The following LARP1 variants were observed in gnomAD, a reference collection of about 807,000 sequenced individuals.
LARP1 encodes the protein la-related protein 1.
Under a neutral mutation model 122.7 loss-of-function variants are expected in LARP1, and 36 were observed. That is an observed-to-expected ratio of 0.29 (90% CI 0.22 to 0.39). LARP1 has a LOEUF of 0.39. LARP1 is among the 10% of genes least tolerant of loss of function. LARP1 has a pLI of 1.00. For synonymous variants in LARP1, 539 were observed against 528.7 expected, an observed-to-expected ratio of 1.02 and a Z score of -0.27; for missense variants, 1,040 against 1,403.6, an observed-to-expected ratio of 0.74 and a Z score of 4.14.
At chr5:154,795,950 TTA>T (rs571601448) in intron 8 of LARP1, among the ~76,000 whole-genome samples, 10,245 of 119,712 alleles carry the variant, frequency 0.086, 555 homozygotes, top group Admixed American at 0.12. Context: ...TATTTATATA[TTA>T]TATATATTTT....
At chr5:154,773,016 T>C (rs958060045) in intron 1 of LARP1, among the ~76,000 whole-genome samples, 3 of 147,610 alleles carry the variant, frequency 2.0e-5, no homozygotes, top group African/African-American at 7.6e-5. Flanking sequence ...AAGACCTTGC[T>C]GTTCTATCCT....
upstream of LARP1, among the ~76,000 whole-genome samples, chr5:154,750,970 C>T (rs907604931): frequency 6.6e-6 from 1 of 152,164 alleles, no homozygotes; most frequent in Non-Finnish European, 1.5e-5. Context: ...TGATCCTTGT[C>T]ACTTTCTGCC....
chr5:154,724,169 C>G (rs1184563370), intron 1 of LARP1, among the ~76,000 whole-genome samples: 1 of 152,228 alleles, frequency 6.6e-6, no homozygotes, highest in African/African-American at 2.4e-5. Flanking sequence ...AATAAGGCAC[C>G]TTGTTTACTA....
At chr5:154,688,183 C>T (rs558409248) in intron 1 of LARP1, among the ~76,000 whole-genome samples, 46 of 152,204 alleles carry the variant, frequency 3.0e-4, no homozygotes, top group African/African-American at 1.1e-3. Context: ...TGTGGCTGCC[C>T]TGATGTTGGG....
intron 1 of LARP1, among the ~76,000 whole-genome samples, chr5:154,759,592 A>G (rs1754280213): frequency 6.6e-6 from 1 of 152,302 alleles, no homozygotes; most frequent in South Asian, 2.1e-4. Context: ...TCTCAGGGAT[A>G]TGAGGAAAAG....
intron 1 of LARP1, among the ~76,000 whole-genome samples, chr5:154,714,827 C>T (rs1755400805): frequency 6.6e-6 from 1 of 152,170 alleles, no homozygotes; most frequent in Non-Finnish European, 1.5e-5. Flanking sequence ...ATTTGAGTAA[C>T]AATGTGTGTG....
At chr5:154,730,597 C>T (rs1241805168) in intron 1 of LARP1, among the ~76,000 whole-genome samples, 2 of 152,012 alleles carry the variant, frequency 1.3e-5, no homozygotes, top group East Asian at 1.9e-4. Flanking sequence ...CTCAGCCTCC[C>T]GAGTAGCTGG....
chr5:154,713,675 G>A (rs1755338694), intron 1 of LARP1, among the ~76,000 whole-genome samples: 1 of 152,194 alleles, frequency 6.6e-6, no homozygotes, highest in Admixed American at 6.5e-5. Context: ...GGGTTTATAA[G>A]GACACCAGCA....
At chr5:154,721,425 C>T (rs964854989) in intron 1 of LARP1, among the ~76,000 whole-genome samples, 3 of 151,582 alleles carry the variant, frequency 2.0e-5, no homozygotes, top group African/African-American at 7.3e-5. Context: ...TGTGGCCCCA[C>T]CCACAGCTTC....
intron 1 of LARP1, among the ~76,000 whole-genome samples, chr5:154,743,305 CTTAT>C (rs1460909548): frequency 1.5e-5 from 2 of 130,390 alleles, no homozygotes; most frequent in East Asian, 3.9e-4. Context: ...GTTTATTATT[CTTAT>C]TTATTTATTT....
chr5:154,775,900 C>T (rs992123454), intron 1 of LARP1, among the ~76,000 whole-genome samples: 1 of 152,216 alleles, frequency 6.6e-6, no homozygotes, highest in Non-Finnish European at 1.5e-5. Flanking sequence ...GGATAATAGT[C>T]CCTCCATTGT....
rs376418650 is a variant in LARP1, at chr5:154,803,516, T to A, written c.2234-24T>A. 291 of 1,614,058 alleles carry A rather than the reference T, an allele frequency of 1.8e-4. No homozygotes were observed. Among genetic ancestry groups the A allele is most frequent in the Non-Finnish European group, 2.2e-4 (260 of 1,180,022 alleles). On this transcript the variant is annotated intron_variant, in intron 12 of 18. Coordinates refer to ENST00000518297, the MANE Select transcript of LARP1 (RefSeq NM_033551.3). This position sits in a 1 kb window ranked among gnomAD's most constrained non-coding sequence, Gnocchi z 4.4. ...ATGCCACAGGCCTTTCCCTGCTTCC[T>A]GACTCCTCTCTCTGCCTCTGCAGTT...
chr5:154,753,945 TTA>T (rs200047435), upstream of LARP1, among the ~76,000 whole-genome samples: 1,179 of 152,314 alleles, frequency 7.7e-3, 18 homozygotes, highest in African/African-American at 0.027. Flanking sequence ...TTCCAGGCTG[TTA>T]TGTTATGTGA....
At chr5:154,711,803 C>T (rs528726820), upstream of LARP1, among the ~76,000 whole-genome samples, 3 of 152,282 alleles carry the variant, frequency 2.0e-5, no homozygotes, top group East Asian at 1.9e-4. Context: ...GTACCTGCTT[C>T]GGGGACCTTA....
At chr5:154,808,031 T>G (rs1050784223) in intron 15 of LARP1, among the ~76,000 whole-genome samples, 1 of 152,258 alleles carries the variant, frequency 6.6e-6, no homozygotes, top group Non-Finnish European at 1.5e-5. Flanking sequence ...GCTTGTGCTT[T>G]TGGTGTTGTG....
intron 1 of LARP1, among the ~76,000 whole-genome samples, chr5:154,749,317 G>C (rs1753361513): frequency 6.6e-6 from 1 of 152,210 alleles, no homozygotes; most frequent in African/African-American, 2.4e-5. Context: ...AAGAGGCTGG[G>C]ATGGTGCTTG....
At chr5:154,787,898 G>A (rs1757014891) in intron 1 of LARP1, among the ~76,000 whole-genome samples, 1 of 152,234 alleles carries the variant, frequency 6.6e-6, no homozygotes. Flanking sequence ...TGGAGACTGA[G>A]CTTTCAATAC....
At chr5:154,745,050 C>G (rs1036398964) in intron 1 of LARP1, among the ~76,000 whole-genome samples, 1 of 152,042 alleles carries the variant, frequency 6.6e-6, no homozygotes, top group Non-Finnish European at 1.5e-5. Flanking sequence ...CCTCAGCCTC[C>G]CGCATAGCTG....
chr5:154,711,183 C>T (rs1338252191), upstream of LARP1, among the ~76,000 whole-genome samples: 1 of 150,504 alleles, frequency 6.6e-6, no homozygotes, highest in Non-Finnish European at 1.5e-5. Flanking sequence ...ACTCTGTCGC[C>T]TGGGTTGGAG....
Sources: allele counts gnomAD v4.1 joint callset (sites outside exome capture counted in the v4.1 genomes callset), GRCh38; gene constraint gnomAD v4.1.1; non-coding constraint Gnocchi (gnomAD v3.1); transcripts MANE v1.5; gene names NCBI Gene and HGNC (gene_info 2026-07-23, HGNC 2026-07-21).